RP1: variants seen among roughly 807,000 people sequenced by gnomAD.
RP1 encodes RP1 axonemal microtubule associated, also known as oxygen-regulated protein 1.
Under a neutral mutation model 14.8 loss-of-function variants are expected in RP1, and 16 were observed. The ratio of observed to expected loss-of-function variants is 1.08; its 90% CI spans 0.73 to 1.65. The LOEUF (loss-of-function observed/expected upper bound fraction) is 1.65, where lower values mean the gene tolerates loss of function less well. Ranked by LOEUF, RP1 falls within the 40% of genes most tolerant of loss-of-function variation. The probability of loss-of-function intolerance (pLI) is 0.00; values close to 1 mark genes in which losing one functional copy is unlikely to be tolerated. For missense variants in RP1, 2,631 were observed against 2,535.0 expected, an observed-to-expected ratio of 1.04 and a Z score of -0.81; for synonymous variants, 876 against 883.6, an observed-to-expected ratio of 0.99 and a Z score of 0.15.
intron 24 of RP1, among the ~76,000 whole-genome samples, chr8:54,809,706 A>G (rs1024417309): frequency 6.6e-6 from 1 of 152,200 alleles, no homozygotes; most frequent in African/African-American, 2.4e-5. Flanking sequence ...ACTTTTTGCA[A>G]CATACTTTGA....
chr8:54,818,504 A>G (rs562629064), intron 24 of RP1, among the ~76,000 whole-genome samples: 25 of 152,268 alleles, frequency 1.6e-4, no homozygotes, highest in Non-Finnish European at 3.1e-4. Context: ...GTAATAATGA[A>G]AAGTTTTGAC....
In RP1 at chr8:54,627,821, G is replaced by A. The variant is rs1169067810; in HGVS notation, c.3939G>A (p.Lys1313=). 6 of 1,614,004 alleles carry A rather than the reference G, an allele frequency of 3.7e-6. No homozygotes were observed. The South Asian group carries it at 4.4e-5, about 12-fold the overall frequency. Residue 1313 remains lysine, a synonymous_variant, in exon 4 of 4, where the codon AAG becomes AAA. Transcript: ENST00000220676. ...CSLTDTVFSD[K]ACAQKENHTY... is the part of the protein sequence containing the mutation. ...TTACTGATACTGTGTTTTCTGATAA[G>A]GCTTGTGCTCAAAAGGAGAACCATA...
intron 16 of RP1, among the ~76,000 whole-genome samples, chr8:54,721,940 T>C (rs966742667): frequency 1.3e-5 from 2 of 152,102 alleles, no homozygotes; most frequent in East Asian, 3.9e-4. Context: ...AGTGACAGAA[T>C]GTTTATGTAA....
At chr8:54,576,436 C>T (rs918657256) in intron 1 of RP1, among the ~76,000 whole-genome samples, 6 of 152,312 alleles carry the variant, frequency 3.9e-5, no homozygotes, top group African/African-American at 1.4e-4. Context: ...CACAGAAGTA[C>T]GTGTTTCTAC....
chr8:54,706,931 TG>T (rs1230438053), intron 15 of RP1, among the ~76,000 whole-genome samples: 2 of 152,080 alleles, frequency 1.3e-5, no homozygotes, highest in East Asian at 3.9e-4. Context: ...AAGGCTGGCG[TG>T]GGACCTGAGT....
At chr8:54,700,351 G>A (rs1807982045) in intron 13 of RP1, among the ~76,000 whole-genome samples, 1 of 151,846 alleles carries the variant, frequency 6.6e-6, no homozygotes, top group African/African-American at 2.4e-5. Context: ...TGGCATTACA[G>A]GCTGATTTCA....
At chr8:54,848,153 A>G (rs1288988770) in intron 25 of RP1, among the ~76,000 whole-genome samples, 1 of 152,044 alleles carries the variant, frequency 6.6e-6, no homozygotes, top group Non-Finnish European at 1.5e-5. Context: ...GGGCTCAGAT[A>G]TCTGGTGCAG....
intron 1 of RP1, among the ~76,000 whole-genome samples, chr8:54,573,873 C>T (rs1248268016): frequency 1.3e-5 from 2 of 152,192 alleles, no homozygotes; most frequent in African/African-American, 4.8e-5. Context: ...TGCTCAGGCT[C>T]ATCCAGTTAG....
At chr8:54,720,006 G>C (rs1808496697) in intron 15 of RP1, 2 of 793,022 alleles carry the variant, frequency 2.5e-6, no homozygotes, top group South Asian at 4.2e-5. Context: ...TACGTAAAAA[G>C]GCTCTAGATT....
At chr8:54,847,163 A>T (rs1187437794) in intron 25 of RP1, among the ~76,000 whole-genome samples, 1 of 152,140 alleles carries the variant, frequency 6.6e-6, no homozygotes, top group East Asian at 1.9e-4. Flanking sequence ...AGGGAGGGAG[A>T]TAGAAAAGGG....
intron 24 of RP1, among the ~76,000 whole-genome samples, chr8:54,819,716 T>C (rs927753157): frequency 6.6e-5 from 10 of 152,112 alleles, no homozygotes; most frequent in Non-Finnish European, 1.2e-4. Flanking sequence ...ATGCTGCAAC[T>C]CTTGCAAACT....
At chr8:54,568,203 C>T (rs139145712) in intron 1 of RP1, among the ~76,000 whole-genome samples, 28 of 152,314 alleles carry the variant, frequency 1.8e-4, no homozygotes, top group African/African-American at 6.3e-4. Flanking sequence ...CCACATAACA[C>T]TACTGTTTCC....
chr8:54,773,676 CTG>C (rs1210567632), downstream of RP1, among the ~76,000 whole-genome samples: 1 of 152,102 alleles, frequency 6.6e-6, no homozygotes, highest in African/African-American at 2.4e-5. Context: ...TCTCAGGAAA[CTG>C]TGGCTCAGAA....
intron 25 of RP1, among the ~76,000 whole-genome samples, chr8:54,845,465 G>A (rs868831719): frequency 6.6e-6 from 1 of 152,176 alleles, no homozygotes; most frequent in Non-Finnish European, 1.5e-5. Flanking sequence ...ACGGGAGTTA[G>A]GAGCAGGGAA....
chr8:54,787,897 T>C (rs1170881110), intron 24 of RP1, among the ~76,000 whole-genome samples: 1 of 152,200 alleles, frequency 6.6e-6, no homozygotes, highest in Non-Finnish European at 1.5e-5. Flanking sequence ...TATAAGGAAA[T>C]ATGGATAAAG....
chr8:54,750,998 T>G (rs1809355267), intron 19 of RP1, among the ~76,000 whole-genome samples: 1 of 152,188 alleles, frequency 6.6e-6, no homozygotes, highest in Non-Finnish European at 1.5e-5. Context: ...GGTGCTTTGT[T>G]CTTTAGCTCT....
chr8:54,836,905 T>A (rs1201501822), intron 24 of RP1, among the ~76,000 whole-genome samples: 1 of 152,210 alleles, frequency 6.6e-6, no homozygotes, highest in South Asian at 2.1e-4. Flanking sequence ...AAGAAAAATA[T>A]TGCTTATTCT....
intron 25 of RP1, among the ~76,000 whole-genome samples, chr8:54,846,293 A>AT (rs1811918635): frequency 2.6e-5 from 4 of 152,240 alleles, no homozygotes; most frequent in Non-Finnish European, 2.9e-5. Flanking sequence ...GGTCCAGGTT[A>AT]CTGCTATATC....
chr8:54,771,276 G>A (rs925007421), downstream of RP1, among the ~76,000 whole-genome samples: 4 of 151,930 alleles, frequency 2.6e-5, no homozygotes, highest in Non-Finnish European at 4.4e-5. Context: ...ACAATAAACC[G>A]TCAAGTAATA....
Sources: gnomAD v4.1 joint callset for allele counts (sites outside exome capture counted in the v4.1 genomes callset) on GRCh38, gnomAD v4.1.1 for gene constraint, MANE v1.5 for transcripts, NCBI Gene and HGNC (gene_info 2026-07-23, HGNC 2026-07-21) for gene names.